The following HERC1 variants were observed in gnomAD, a reference collection of about 807,000 sequenced individuals.
The protein encoded by HERC1 is probable E3 ubiquitin-protein ligase HERC1.
HERC1 carries 160 observed loss-of-function variants against 554.3 expected under a neutral mutation model. That is an observed-to-expected ratio of 0.29 (90% CI 0.25 to 0.33). The LOEUF (loss-of-function observed/expected upper bound fraction) is 0.33, where lower values mean the gene tolerates loss of function less well. HERC1 is among the 10% of genes least tolerant of loss of function. HERC1 has a pLI of 1.00. For missense variants in HERC1, 4,919 were observed against 5,918.5 expected (o/e 0.83, Z 5.54); for synonymous variants, 2,175 against 2,131.7 (o/e 1.02, Z -0.56).
intron 26 of HERC1, among the ~76,000 whole-genome samples, chr15:63,698,213 C>G (rs568339491): frequency 1.3e-5 from 2 of 151,904 alleles, no homozygotes; most frequent in Non-Finnish European, 2.9e-5. Flanking sequence ...GTCAGAAGCT[C>G]GAGACCAGCC....
intron 27 of HERC1, among the ~76,000 whole-genome samples, 171 bp from the exon 28 acceptor site, chr15:63,695,065 T>C (rs1186075128): frequency 6.6e-6 from 1 of 152,178 alleles, no homozygotes; most frequent in Non-Finnish European, 1.5e-5. Context: ...AGGCAGGGTC[T>C]TGCTGTATCA....
rs775534474 is a variant in HERC1 at position 63,628,693 on chromosome 15, G to C, written c.13089C>G (p.Val4363=). ...ATTCCTCACCTGGTGCTCTTGGTGG[G>C]ACAGGTGGTGCTGTCCATGCAGCAC... is the stretch of plus-strand genomic sequence containing the variant. ...CHSAAWTAPP[V]PPRAPGVSVP... The change falls in exon 70 of 78, where the codon GTC becomes GTG. Residue 4363 remains valine (V), a synonymous_variant. Transcript: ENST00000443617. 3 of 1,611,362 alleles carry C rather than the reference G, an allele frequency of 1.9e-6. No individual in the cohort carries two copies. Among genetic ancestry groups the C allele is most frequent in the South Asian group, 2.2e-5 (2 of 90,746 alleles).
At chr15:63,623,622 T>C (rs2152765203) in intron 73 of HERC1, 103 bp downstream of exon 73, 1 of 1,126,446 alleles carries the variant, frequency 8.9e-7, no homozygotes, top group Admixed American at 1.9e-5. Context: ...AAATGCATCC[T>C]TGCTACATTT....
At chr15:63,820,726 T>G (rs1270302018) in intron 1 of HERC1, among the ~76,000 whole-genome samples, 1 of 152,184 alleles carries the variant, frequency 6.6e-6, no homozygotes, top group Non-Finnish European at 1.5e-5. Context: ...CTATGCTGCC[T>G]AGGCTAGTGT....
chr15:63,728,367 T>C (rs866178943), intron 16 of HERC1, among the ~76,000 whole-genome samples: 50 of 152,220 alleles, frequency 3.3e-4, no homozygotes, highest in Admixed American at 1.1e-3. Flanking sequence ...TTTAAATCAA[T>C]TTTATTTCAC....
intron 74 of HERC1, among the ~76,000 whole-genome samples, chr15:63,617,102 T>G (rs912500611): frequency 6.6e-6 from 1 of 152,214 alleles, no homozygotes; most frequent in Non-Finnish European, 1.5e-5. Context: ...GTTGGTGTGC[T>G]GCACCCATTA....
intron 1 of HERC1, among the ~76,000 whole-genome samples, chr15:63,833,092 C>T (rs2078211287): frequency 6.6e-6 from 1 of 152,156 alleles, no homozygotes; most frequent in Admixed American, 6.5e-5. Context: ...CTCCCAGTAA[C>T]CTGCCACCCA....
At chr15:63,742,894 G>T (rs1308234771) in intron 12 of HERC1, among the ~76,000 whole-genome samples, 1 of 152,106 alleles carries the variant, frequency 6.6e-6, no homozygotes, top group Non-Finnish European at 1.5e-5. Flanking sequence ...CTTCATAATG[G>T]ATACTGAAGA....
intron 12 of HERC1, among the ~76,000 whole-genome samples, chr15:63,736,851 C>T (rs1290183710): frequency 6.6e-6 from 1 of 152,060 alleles, no homozygotes; most frequent in Non-Finnish European, 1.5e-5. Flanking sequence ...AGGTGATCTG[C>T]CCACCTCAGC....
chr15:63,715,043 A>G (rs1375364892), intron 22 of HERC1, among the ~76,000 whole-genome samples: 1 of 152,232 alleles, frequency 6.6e-6, no homozygotes, highest in Non-Finnish European at 1.5e-5. Context: ...GTCCAGAGCT[A>G]GAAATCAATT....
chr15:63,774,715 T>C lies in HERC1; in HGVS notation c.909A>G (p.Leu303=), dbSNP rs2076068640. The part of the protein sequence containing the change: ...MISFDCFMTI[L]MQMRRSLGSS... ...GTACCAAAGAACGCCTCATCTGCAT[T>C]AATATGGTCATAAAGCAGTCAAAGC... Residue 303 remains leucine (L), a synonymous_variant, in exon 2 of 78, where the codon TTA becomes TTG. Coordinates refer to ENST00000443617, the MANE Select transcript of HERC1 (RefSeq NM_003922.4). 1 of 1,609,030 alleles carries C rather than the reference T, an allele frequency of 6.2e-7. No individual in the cohort carries two copies. The highest frequency in any genetic ancestry group is 1.1e-5 in the South Asian group (1 of 90,078).
chr15:63,729,676 T>A, intron 14 of HERC1, 27 bp from the exon 15 acceptor site: 1 of 1,610,026 alleles, frequency 6.2e-7, no homozygotes, highest in Middle Eastern at 1.7e-4. Context: ...AGGAAGTTTA[T>A]ATTTGAAGTG....
intron 74 of HERC1, among the ~76,000 whole-genome samples, chr15:63,622,614 T>C (rs555447769): frequency 9.2e-5 from 14 of 152,284 alleles, no homozygotes; most frequent in African/African-American, 3.4e-4. Context: ...ATTACAGGCG[T>C]AAGCCACCAT....
At position 63,758,365 on chromosome 15, in the gene HERC1, C is replaced by A. The variant is rs1334619627; in HGVS notation, c.1031G>T (p.Cys344Phe). The change falls in exon 4 of 78, where the codon TGC (cysteine) becomes TTC (phenylalanine). Residue 344 changes from cysteine to phenylalanine, a missense_variant. By Grantham distance (205) the Cys-to-Phe change is radical. Coordinates refer to ENST00000443617, the MANE Select transcript of HERC1 (RefSeq NM_003922.4). The surrounding 1 kb of genome is among the most constrained non-coding windows in gnomAD (Gnocchi z 4.0). ...TCTCGAATAATCAGAAGCCATTCTG[C>A]AAACCTATTAAAAATTTAAAATATG... is the stretch of plus-strand genomic sequence containing the variant. The part of the protein sequence containing the change: ...EAALCLFEEV[C>F]RMASDYSRTC... 2 of 1,577,074 alleles carry A rather than the reference C, an allele frequency of 1.3e-6. No homozygotes were observed. The highest frequency in any genetic ancestry group is 1.7e-6 in the Non-Finnish European group (2 of 1,151,186).
intron 74 of HERC1, among the ~76,000 whole-genome samples, chr15:63,617,466 C>T (rs1372940208): frequency 6.6e-6 from 1 of 152,202 alleles, no homozygotes; most frequent in Non-Finnish European, 1.5e-5. Context: ...CCGCAATAAA[C>T]ATACGTGTGC....
chr15:63,658,591 A>T lies in HERC1; in HGVS notation c.9552T>A (p.Leu3184=). The T allele has an allele frequency of 6.2e-7, 1 of 1,613,812 alleles. No homozygotes were observed. Among genetic ancestry groups the T allele is most frequent in the Non-Finnish European group, 8.5e-7 (1 of 1,179,734 alleles). Residue 3184 remains leucine, a synonymous_variant, in exon 48 of 78, where the codon CTT becomes CTA. Transcript: ENST00000443617. Reference sequence around the variant, plus strand: ...CTCTCATGACCATGGTTCTGGCCAGAAGAACCTGAGCAGCAGCAGTCACTC... The same window carrying T: ...CTCTCATGACCATGGTTCTGGCCAGTAGAACCTGAGCAGCAGCAGTCACTC... ...LRRVTAAAQV[L]LARTMVMRAL...
chr15:63,748,426 G>A (rs1024641269), intron 10 of HERC1, among the ~76,000 whole-genome samples: 8 of 152,066 alleles, frequency 5.3e-5, no homozygotes, highest in Non-Finnish European at 1.0e-4. Flanking sequence ...AAAGCAGAGG[G>A]CTGAGTCACA....
intron 47 of HERC1, among the ~76,000 whole-genome samples, chr15:63,659,200 C>G (rs72750978): frequency 6.6e-6 from 1 of 152,056 alleles, no homozygotes; most frequent in Non-Finnish European, 1.5e-5. Context: ...ATAACAAGTT[C>G]TATAAATCTT....
At chr15:63,825,666 T>C (rs2077871720) in intron 1 of HERC1, among the ~76,000 whole-genome samples, 1 of 152,190 alleles carries the variant, frequency 6.6e-6, no homozygotes, top group Non-Finnish European at 1.5e-5. Flanking sequence ...ACTTTAAGAC[T>C]ATCCCAGGCC....
Sources: allele counts gnomAD v4.1 joint callset (sites outside exome capture counted in the v4.1 genomes callset), GRCh38; gene constraint gnomAD v4.1.1; non-coding constraint Gnocchi (gnomAD v3.1); transcripts MANE v1.5; gene names NCBI Gene and HGNC (gene_info 2026-07-23, HGNC 2026-07-21).